Variants in RBFOX1 observed in about 807,000 individuals in gnomAD.
RBFOX1 encodes RNA binding protein fox-1 homolog 1.
In RBFOX1, 8 loss-of-function variants were observed where a neutral mutation model predicts 57.7. The ratio of observed to expected loss-of-function variants is 0.14; its 90% CI spans 0.08 to 0.25. RBFOX1 has a LOEUF of 0.25. Ranked by LOEUF, RBFOX1 falls within the 10% of genes least tolerant of loss-of-function variation. The pLI, the probability that RBFOX1 is intolerant of heterozygous loss-of-function variation, is 1.00. For missense variants in RBFOX1, 611 were observed against 548.5 expected (o/e 1.11, Z -1.14); for synonymous variants, 326 against 222.4 (o/e 1.47, Z -4.15).
chr16:7,218,653 T>TGC (rs2092459669), intron 4 of RBFOX1, among the ~76,000 whole-genome samples: 1 of 146,884 alleles, frequency 6.8e-6, no homozygotes, highest in African/African-American at 2.6e-5. Flanking sequence ...TGTGTGTGTG[T>TGC]GTGTGTGTGT....
chr16:6,891,388 G>T (rs937534680), intron 3 of RBFOX1, among the ~76,000 whole-genome samples: 2 of 152,210 alleles, frequency 1.3e-5, no homozygotes, highest in South Asian at 2.1e-4. Flanking sequence ...GGTCTACCCA[G>T]TTCTGAAAAC....
At position 6,019,732 on chromosome 16, in the gene RBFOX1, G is replaced by C; in HGVS notation, c.-387G>C. ...AGAGCAGGAGCGGACCGCGCGCCCGGGATTGAGAGTCCTTGCGCTCCAGAC... is the reference window on the plus strand; with the variant it reads ...AGAGCAGGAGCGGACCGCGCGCCCGCGATTGAGAGTCCTTGCGCTCCAGAC... On this transcript the variant is annotated 5_prime_UTR_variant, in exon 1 of 16. Transcript: ENST00000550418. This position sits in a 1 kb window ranked among gnomAD's most constrained non-coding sequence, Gnocchi z 4.2. 7.3e-7 allele frequency: 1 copy of C among 1,374,754 alleles called. No homozygotes were observed. The highest frequency in any genetic ancestry group is 9.4e-7 in the Non-Finnish European group (1 of 1,063,840). The allele number at this position is 1,374,754 out of a possible 1,614,324, so 85.2% of individuals were successfully genotyped here.
chr16:7,296,089 A>G (rs2095881943), intron 4 of RBFOX1, among the ~76,000 whole-genome samples: 1 of 151,638 alleles, frequency 6.6e-6, no homozygotes, highest in Non-Finnish European at 1.5e-5. Context: ...CTTTACATTC[A>G]TTATCTCGGT....
rs75190635 is a variant in RBFOX1, at chr16:5,654,997, T to G, written c.318+56036T>G. On this transcript the variant is annotated intron_variant, in intron 3 of 19. Coordinates refer to the RBFOX1 transcript ENST00000641259. The stretch of plus-strand genomic sequence containing the variant: ...GCTTTGGATTATACGTTGCATTGCC[T>G]TGCACACTGGGTCCAGCCTACGCTT... 4.7e-4 allele frequency among the ~76,000 whole-genome samples: 71 copies of G among 152,280 alleles called. No homozygotes were observed. The East Asian group carries it at 0.012, about 27-fold the overall frequency.
chr16:7,122,420 G>A (rs996483811), intron 4 of RBFOX1, among the ~76,000 whole-genome samples: 3 of 151,888 alleles, frequency 2.0e-5, no homozygotes, highest in Non-Finnish European at 2.9e-5. Flanking sequence ...AAGAGAAGAG[G>A]ATATTCATCA....
intron 3 of RBFOX1, among the ~76,000 whole-genome samples, chr16:6,808,649 A>G (rs1221928739): frequency 1.3e-5 from 2 of 152,228 alleles, no homozygotes; most frequent in East Asian, 1.9e-4. Context: ...ATTAATATGA[A>G]TCTTATTTTA....
chr16:6,640,643 T>A (rs929778446), intron 2 of RBFOX1, among the ~76,000 whole-genome samples: 5 of 151,824 alleles, frequency 3.3e-5, no homozygotes, highest in African/African-American at 1.2e-4. Flanking sequence ...AAATACTACT[T>A]TATAGAGCCA....
intron 2 of RBFOX1, among the ~76,000 whole-genome samples, chr16:6,625,421 G>A (rs1358079258): frequency 6.6e-6 from 1 of 152,176 alleles, no homozygotes. Context: ...TAGGTGTCAA[G>A]TAAAAATCGT....
chr16:5,919,336 G>A (rs2058770426), intron 4 of RBFOX1, among the ~76,000 whole-genome samples: 1 of 152,032 alleles, frequency 6.6e-6, no homozygotes, highest in Admixed American at 6.6e-5. Context: ...TGTTTTAATT[G>A]CATTTTTAAA....
chr16:6,353,308 G>C (rs2086715894), intron 2 of RBFOX1, among the ~76,000 whole-genome samples: 1 of 151,914 alleles, frequency 6.6e-6, no homozygotes, highest in African/African-American at 2.4e-5. Flanking sequence ...AACTCCTTTA[G>C]CTCTATGAGA....
intron 2 of RBFOX1, among the ~76,000 whole-genome samples, chr16:6,635,986 A>G (rs996495618): frequency 6.6e-6 from 1 of 152,154 alleles, no homozygotes; most frequent in African/African-American, 2.4e-5. Context: ...CTTATGCTTT[A>G]TATGCACATC....
intron 4 of RBFOX1, among the ~76,000 whole-genome samples, chr16:7,151,162 G>A (rs2076032504): frequency 6.6e-6 from 1 of 152,150 alleles, no homozygotes; most frequent in African/African-American, 2.4e-5. Context: ...AAAGATGGTT[G>A]CTGAACTAGA....
chr16:5,474,417 G>T (rs1208957139), intron 2 of RBFOX1, among the ~76,000 whole-genome samples: 2 of 152,204 alleles, frequency 1.3e-5, no homozygotes, highest in Non-Finnish European at 2.9e-5. Context: ...ACTTTGGGAG[G>T]CCGAGGTGGG....
intron 2 of RBFOX1, among the ~76,000 whole-genome samples, chr16:6,626,229 T>A (rs1177265645): frequency 6.6e-6 from 1 of 152,058 alleles, no homozygotes; most frequent in East Asian, 1.9e-4. Flanking sequence ...TGCCCTCTGA[T>A]TTTGTGTCCT....
intron 3 of RBFOX1, among the ~76,000 whole-genome samples, chr16:5,834,539 T>C (rs1042212247): frequency 6.6e-6 from 1 of 152,010 alleles, no homozygotes; most frequent in Non-Finnish European, 1.5e-5. Flanking sequence ...ATATTTGCAA[T>C]TGTGAATGTG....
intron 1 of RBFOX1, among the ~76,000 whole-genome samples, chr16:5,404,008 G>C (rs183263937): frequency 6.6e-6 from 1 of 150,794 alleles, no homozygotes; most frequent in African/African-American, 2.4e-5. Flanking sequence ...GGCATGGGGT[G>C]GTGGGAAGCA....
intron 3 of RBFOX1, among the ~76,000 whole-genome samples, chr16:5,654,536 T>G (rs1489117057): frequency 6.6e-6 from 1 of 152,130 alleles, no homozygotes; most frequent in Admixed American, 6.5e-5. Flanking sequence ...CCTCCAAGAC[T>G]CCAAGCACAG....
chr16:5,730,244 C>G lies in RBFOX1; in HGVS notation c.318+131283C>G, dbSNP rs118061111. Among the ~76,000 whole-genome samples the G allele has an allele frequency of 6.5e-4, 99 of 152,260 alleles. 1 individual carries two copies. The East Asian group carries it at 0.018, about 27-fold the overall frequency. On this transcript the variant is annotated intron_variant, in intron 3 of 19. Transcript: ENST00000641259. ...GACAAGCTGACCACAGGTTTATTCT[C>G]TTTTTTTCTTTCAATGTCCATACCT...
chr16:6,161,445 C>G (rs1477446460), intron 1 of RBFOX1, among the ~76,000 whole-genome samples: 1 of 151,844 alleles, frequency 6.6e-6, no homozygotes, highest in Non-Finnish European at 1.5e-5. Flanking sequence ...TACTCTCTCT[C>G]CATCCCATTG....
Sources: allele counts gnomAD v4.1 joint callset (sites outside exome capture counted in the v4.1 genomes callset), GRCh38; gene constraint gnomAD v4.1.1; non-coding constraint Gnocchi (gnomAD v3.1); transcripts MANE v1.5; gene names NCBI Gene and HGNC (gene_info 2026-07-23, HGNC 2026-07-21).